The following CNTNAP2 variants were observed in gnomAD, a reference collection of about 807,000 sequenced individuals.
CNTNAP2 encodes the protein contactin-associated protein-like 2.
Under a neutral mutation model 155.2 loss-of-function variants are expected in CNTNAP2, and 98 were observed. The ratio of observed to expected loss-of-function variants is 0.63; its 90% CI spans 0.54 to 0.75. The LOEUF is 0.75. Among genes scored for constraint, CNTNAP2 ranks in the 30% least tolerant of loss-of-function variants. The probability of loss-of-function intolerance (pLI) is 0.00; values close to 1 mark genes in which losing one functional copy is unlikely to be tolerated. For missense variants in CNTNAP2, 1,727 were observed against 1,688.1 expected (o/e 1.02, Z -0.40); for synonymous variants, 651 against 631.2 (o/e 1.03, Z -0.47).
intron 21 of CNTNAP2, among the ~76,000 whole-genome samples, chr7:148,361,132 C>T (rs567970005): frequency 2.0e-5 from 3 of 152,110 alleles, no homozygotes; most frequent in Admixed American, 6.6e-5. Context: ...TTTTCTATAT[C>T]GGGTCTCATC....
chr7:147,948,782 T>A (rs1279529280), intron 14 of CNTNAP2, among the ~76,000 whole-genome samples: 2 of 151,832 alleles, frequency 1.3e-5, no homozygotes, highest in East Asian at 3.9e-4. Context: ...TTTTAACCAC[T>A]AATAGCCTAC....
chr7:147,717,240 G>T (rs896025839), intron 13 of CNTNAP2, among the ~76,000 whole-genome samples: 11 of 152,080 alleles, frequency 7.2e-5, no homozygotes, highest in African/African-American at 2.4e-5. Flanking sequence ...GTGACTACAG[G>T]CCTGGGGAGG....
In CNTNAP2 at chr7:147,486,178, C is replaced by T. The variant is rs576126082; in HGVS notation, c.1777+137C>T. On this transcript the variant is annotated intron_variant, in intron 11 of 23. Coordinates refer to ENST00000361727, the MANE Select transcript of CNTNAP2 (RefSeq NM_014141.6). ...TCTGAAAAACCAAGATTCCAATTGTCATTTCTCCAAAAAAAAAAAAATAAA... is the reference window on the plus strand; with the variant it reads ...TCTGAAAAACCAAGATTCCAATTGTTATTTCTCCAAAAAAAAAAAAATAAA... 4.6e-3 allele frequency: 2,691 copies of T among 581,794 alleles called. 18 individuals are homozygous for T. The highest frequency in any genetic ancestry group is 4.6e-3 in the Non-Finnish European group (1,622 of 355,834). 36.0% of individuals were successfully genotyped at this position (581,794 alleles called of 1,614,324 possible).
Position 147,128,804 on chromosome 7 carries a change from G to A in CNTNAP2, c.1051G>A (p.Ala351Thr), listed in dbSNP as rs201253086. The A allele has an allele frequency of 6.5e-5, 105 of 1,613,906 alleles. No homozygotes were observed. Among genetic ancestry groups the A allele is most frequent in the Non-Finnish European group, 8.6e-5 (101 of 1,179,932 alleles). ...NYNGVNITDLARRKKLEPSNV... is the reference protein window; with the variant it reads ...NYNGVNITDLTRRKKLEPSNV... ...CAATGGCGTCAACATTACTGATCTT[G>A]CCAGAAGGAAGAAATTAGAGCCCTC... Residue 351 changes from alanine to threonine, a missense_variant, in exon 7 of 24, where the codon GCC becomes ACC. Physicochemically the swap from Ala to Thr is moderately conservative, Grantham distance 58. Coordinates refer to ENST00000361727, the MANE Select transcript of CNTNAP2 (RefSeq NM_014141.6).
At chr7:148,338,028 C>T (rs573945398) in intron 21 of CNTNAP2, among the ~76,000 whole-genome samples, 4 of 152,268 alleles carry the variant, frequency 2.6e-5, no homozygotes, top group South Asian at 2.1e-4. Context: ...TAGCCACCAC[C>T]ATAATCAACA....
chr7:147,798,634 A>C (rs1244052302), intron 13 of CNTNAP2, among the ~76,000 whole-genome samples: 1 of 152,194 alleles, frequency 6.6e-6, no homozygotes, highest in African/African-American at 2.4e-5. Flanking sequence ...AAACCTTTCC[A>C]GTAAGGCTTT....
At chr7:146,811,966 G>C (rs1238118090) in intron 2 of CNTNAP2, among the ~76,000 whole-genome samples, 2 of 152,146 alleles carry the variant, frequency 1.3e-5, no homozygotes, top group Non-Finnish European at 2.9e-5. Flanking sequence ...GTGGAACTGT[G>C]AGGCAATTAA....
At chr7:147,435,372 A>G (rs1202241034) in intron 10 of CNTNAP2, among the ~76,000 whole-genome samples, 1 of 152,146 alleles carries the variant, frequency 6.6e-6, no homozygotes, top group East Asian at 1.9e-4. Context: ...GCCTAGACTC[A>G]CCAGGAGGGC....
intron 13 of CNTNAP2, among the ~76,000 whole-genome samples, chr7:147,695,225 T>G (rs1201513925): frequency 6.6e-6 from 1 of 152,210 alleles, no homozygotes; most frequent in Non-Finnish European, 1.5e-5. Context: ...TGATTTGTAT[T>G]CTTTTAAATT....
chr7:146,807,262 C>T (rs918708266), intron 2 of CNTNAP2, among the ~76,000 whole-genome samples: 3 of 152,054 alleles, frequency 2.0e-5, no homozygotes, highest in African/African-American at 4.8e-5. Flanking sequence ...TGTATATTCT[C>T]ATTTGTAATG....
chr7:146,965,760 A>C (rs1035567943), intron 3 of CNTNAP2, among the ~76,000 whole-genome samples: 1 of 152,204 alleles, frequency 6.6e-6, no homozygotes, highest in African/African-American at 2.4e-5. Context: ...ACTAAACTTT[A>C]TTCAGAGGGA....
chr7:147,415,653 G>GT (rs1210585008), intron 10 of CNTNAP2, among the ~76,000 whole-genome samples: 8 of 152,086 alleles, frequency 5.3e-5, no homozygotes, highest in African/African-American at 1.9e-4. Flanking sequence ...GTCTCAGGTA[G>GT]TTTTTTATAG....
chr7:146,707,626 G>T (rs1027678249), intron 1 of CNTNAP2, among the ~76,000 whole-genome samples: 2 of 152,034 alleles, frequency 1.3e-5, no homozygotes, highest in East Asian at 3.9e-4. Context: ...TCTCTCAGAA[G>T]GGCCTTGCTC....
intron 9 of CNTNAP2, among the ~76,000 whole-genome samples, chr7:147,327,401 G>T (rs1174946904): frequency 6.6e-6 from 1 of 152,124 alleles, no homozygotes; most frequent in Non-Finnish European, 1.5e-5. Flanking sequence ...ATAATATATT[G>T]TTCACCAGAA....
intron 3 of CNTNAP2, among the ~76,000 whole-genome samples, chr7:146,937,498 G>C (rs1352574109): frequency 6.6e-6 from 1 of 151,996 alleles, no homozygotes; most frequent in African/African-American, 2.4e-5. Flanking sequence ...TTTCTGTTAA[G>C]AAGAGGAAAC....
intron 1 of CNTNAP2, among the ~76,000 whole-genome samples, chr7:146,161,888 C>T (rs1370347232): frequency 6.6e-6 from 1 of 152,036 alleles, no homozygotes; most frequent in Non-Finnish European, 1.5e-5. Flanking sequence ...CTTTGACAAA[C>T]CTGACAAAAA....
chr7:146,479,610 T>G (rs1035342429), intron 1 of CNTNAP2, among the ~76,000 whole-genome samples: 1 of 152,002 alleles, frequency 6.6e-6, no homozygotes, highest in African/African-American at 2.4e-5. Flanking sequence ...AATTAATTTA[T>G]AAAAAATTAA....
chr7:146,371,368 T>G (rs972841343), intron 1 of CNTNAP2, among the ~76,000 whole-genome samples: 5 of 132,122 alleles, frequency 3.8e-5, no homozygotes, highest in Non-Finnish European at 6.4e-5. Context: ...AGTATTAGTT[T>G]TTTTTTTTTT....
At chr7:147,849,727 G>A (rs1217684633) in intron 13 of CNTNAP2, among the ~76,000 whole-genome samples, 4 of 152,222 alleles carry the variant, frequency 2.6e-5, no homozygotes, top group Non-Finnish European at 2.9e-5. Context: ...TGTGGACCCA[G>A]CCATGCCCTT....
Sources: gnomAD v4.1 joint callset for allele counts (sites outside exome capture counted in the v4.1 genomes callset) on GRCh38, gnomAD v4.1.1 for gene constraint, MANE v1.5 for transcripts, NCBI Gene and HGNC (gene_info 2026-07-23, HGNC 2026-07-21) for gene names.